ANO6: variants seen among roughly 807,000 people sequenced by gnomAD.
ANO6 encodes the protein anoctamin 6, also known as anoctamin-6.
A neutral mutation model predicts 117.5 loss-of-function variants in ANO6; 106 were observed. That is an observed-to-expected ratio of 0.90 (90% CI 0.77 to 1.06). The LOEUF is 1.06. Ranked by LOEUF, ANO6 falls within the 50% of genes least tolerant of loss-of-function variation. The pLI, the probability that ANO6 is intolerant of heterozygous loss-of-function variation, is 0.00. For synonymous variants in ANO6, 367 were observed against 385.1 expected (o/e 0.95, Z 0.55); for missense variants, 955 against 1,121.1 (o/e 0.85, Z 2.12).
At chr12:45,341,074 A>G (rs981108941) in intron 3 of ANO6, among the ~76,000 whole-genome samples, 56 of 152,306 alleles carry the variant, frequency 3.7e-4, no homozygotes, top group Middle Eastern at 3.4e-3. Context: ...AAAATGTCCT[A>G]TCCTTGATAC....
intron 1 of ANO6, among the ~76,000 whole-genome samples, chr12:45,244,405 G>T (rs879638685): frequency 7.2e-4 from 75 of 103,948 alleles, no homozygotes; most frequent in African/African-American, 2.9e-3. Context: ...TCTCTATTTG[G>T]GGGGGGGGGG....
At chr12:45,231,744 A>C (rs543085929) in intron 1 of ANO6, among the ~76,000 whole-genome samples, 1 of 152,300 alleles carries the variant, frequency 6.6e-6, no homozygotes, top group Non-Finnish European at 1.5e-5. Flanking sequence ...ACATGCTTCT[A>C]TAACGGGCAT....
At chr12:45,319,206 G>T (rs1370768871) in intron 2 of ANO6, among the ~76,000 whole-genome samples, 2 of 152,150 alleles carry the variant, frequency 1.3e-5, no homozygotes, top group African/African-American at 4.8e-5. Context: ...GTTTCAAAGG[G>T]AATGCTTCCA....
chr12:45,311,926 G>GT (rs1278362967), intron 2 of ANO6, among the ~76,000 whole-genome samples: 1 of 151,958 alleles, frequency 6.6e-6, no homozygotes, highest in Non-Finnish European at 1.5e-5. Context: ...TCCATTTTAT[G>GT]TTTTTTTCCT....
chr12:45,347,142 G>A (rs143838772), intron 4 of ANO6, 55 bp downstream of exon 4: 16 of 1,549,706 alleles, frequency 1.0e-5, no homozygotes, highest in South Asian at 3.3e-5. Context: ...GGGCAGCTTC[G>A]TGCCACTTGG....
intron 8 of ANO6, among the ~76,000 whole-genome samples, chr12:45,359,786 A>G (rs771531499): frequency 6.6e-6 from 1 of 152,240 alleles, no homozygotes; most frequent in Non-Finnish European, 1.5e-5. Context: ...ATGGTTTCAC[A>G]TCTCTTGAGA....
chr12:45,397,179 A>G (rs1029031988), intron 12 of ANO6, among the ~76,000 whole-genome samples: 1 of 152,250 alleles, frequency 6.6e-6, no homozygotes, highest in Non-Finnish European at 1.5e-5. Context: ...TGGGCAAAGC[A>G]TATGAACAGA....
At chr12:45,332,643 T>C (rs1308414787) in intron 3 of ANO6, among the ~76,000 whole-genome samples, 5 of 152,036 alleles carry the variant, frequency 3.3e-5, no homozygotes, top group African/African-American at 1.2e-4. Flanking sequence ...AGAGTGTTTA[T>C]TGTTCACGTC....
intron 1 of ANO6, among the ~76,000 whole-genome samples, chr12:45,266,392 G>A (rs1167030325): frequency 6.6e-6 from 1 of 152,148 alleles, no homozygotes; most frequent in African/African-American, 2.4e-5. Context: ...ATTGTGGTCT[G>A]AGACCGTATG....
chr12:45,362,223 T>C (rs2137490275), intron 8 of ANO6, among the ~76,000 whole-genome samples: 1 of 152,214 alleles, frequency 6.6e-6, no homozygotes, highest in South Asian at 2.1e-4. Context: ...CCTTAAGTAG[T>C]ACATATTTTT....
chr12:45,353,268 C>T (rs770756811), intron 7 of ANO6, among the ~76,000 whole-genome samples: 3 of 151,680 alleles, frequency 2.0e-5, no homozygotes, highest in South Asian at 2.1e-4. Context: ...TTTTTATCAC[C>T]GAGATTACAG....
chr12:45,227,589 A>G lies in ANO6; in HGVS notation c.70+11198A>G, dbSNP rs570558766. Among the ~76,000 whole-genome samples, 95 of 152,184 alleles carry G rather than the reference A, an allele frequency of 6.2e-4. 1 individual carries two copies. The South Asian group carries it at 0.018, about 29-fold the overall frequency. ...CTTAGACACTTATGAGGGCAGTTAC[A>G]TTATCACCCTCATAATAAATTCTTT... On this transcript the variant is annotated intron_variant, in intron 1 of 19. Transcript: ENST00000320560.
At chr12:45,428,339 G>A (rs554425534) in intron 19 of ANO6, among the ~76,000 whole-genome samples, 64 of 152,286 alleles carry the variant, frequency 4.2e-4, no homozygotes, top group Admixed American at 3.9e-3. Context: ...GTGGCCTGGC[G>A]TGGTGGCTCA....
intron 9 of ANO6, among the ~76,000 whole-genome samples, chr12:45,374,690 G>T (rs1460361780): frequency 7.2e-6 from 1 of 138,918 alleles, no homozygotes; most frequent in Non-Finnish European, 1.6e-5. Context: ...ATTAGGTATT[G>T]ATGGGACGTA....
At chr12:45,414,288 G>T (rs191452647) in intron 16 of ANO6, among the ~76,000 whole-genome samples, 1 of 151,920 alleles carries the variant, frequency 6.6e-6, no homozygotes, top group Non-Finnish European at 1.5e-5. Context: ...GTTTTGCGTT[G>T]ACTTTTTGTT....
chr12:45,221,047 T>A (rs913641681), intron 1 of ANO6, among the ~76,000 whole-genome samples: 1 of 147,648 alleles, frequency 6.8e-6, no homozygotes, highest in Non-Finnish European at 1.5e-5. Flanking sequence ...GGCCTGTGAT[T>A]GGTGTCGGAA....
rs1942841258 is a variant in ANO6, at chr12:45,403,209, G to C, written c.1750G>C (p.Val584Leu). 6.2e-7 allele frequency: 1 copy of C among 1,613,922 alleles called. No homozygotes were observed. The highest frequency in any genetic ancestry group is 8.5e-7 in the Non-Finnish European group (1 of 1,179,898). The part of the protein sequence containing the change: ...GKFVGYPGDP[V>L]YWLGKYRNEE... ...ATTTGTAGGCTATCCAGGAGACCCA[G>C]TTTATTGGTTGGGAAAATACAGAAA... is the stretch of plus-strand genomic sequence containing the variant. The change falls in exon 14 of 20, where the codon GTT (valine) becomes CTT (leucine). Residue 584 changes from valine to leucine, a missense_variant. Val to Leu is a conservative substitution (Grantham distance 32). Transcript: ENST00000320560.
At chr12:45,432,645 T>C (rs1489561730), downstream of ANO6, among the ~76,000 whole-genome samples, 1 of 152,248 alleles carries the variant, frequency 6.6e-6, no homozygotes, top group African/African-American at 2.4e-5. Flanking sequence ...CACCTACTAG[T>C]TTAATGAAAT....
In ANO6 at chr12:45,429,554, A is replaced by G. The variant is rs1273510337; in HGVS notation, c.*243A>G. The G allele has an allele frequency of 2.3e-6, 3 of 1,297,350 alleles. No individual in the cohort carries two copies. In the Admixed American group the frequency reaches 1.1e-4, roughly 47 times the overall value. The allele number at this position is 1,297,350 out of a possible 1,614,324, so 80.4% of individuals were successfully genotyped here. On this transcript the variant is annotated 3_prime_UTR_variant, in exon 20 of 20. Transcript: ENST00000320560. ...CCTCAATGTTACCTTTTTCTGATAA[A>G]TTGGAATTTTACAGAAAAAGTCCCT...
Sources: gnomAD v4.1 joint callset for allele counts (sites outside exome capture counted in the v4.1 genomes callset) on GRCh38, gnomAD v4.1.1 for gene constraint, MANE v1.5 for transcripts, NCBI Gene and HGNC (gene_info 2026-07-23, HGNC 2026-07-21) for gene names.